Variants in TMEM164 observed in about 807,000 individuals in gnomAD.
The protein encoded by TMEM164 is transmembrane protein 164.
A neutral mutation model predicts 18.8 loss-of-function variants in TMEM164; 4 were observed. That is an observed-to-expected ratio of 0.21 (90% CI 0.10 to 0.49). TMEM164 has a LOEUF of 0.49. TMEM164 is among the 20% of genes least tolerant of loss of function. The pLI, the probability that TMEM164 is intolerant of heterozygous loss-of-function variation, is 0.98. For missense variants in TMEM164, 108 were observed against 239.9 expected, an observed-to-expected ratio of 0.45 and a Z score of 3.63; for synonymous variants, 86 against 101.7, an observed-to-expected ratio of 0.85 and a Z score of 0.93.
intron 3 of TMEM164, among the ~76,000 whole-genome samples, chrX:110,080,744 C>T (rs893328281): frequency 1.8e-5 from 2 of 111,604 alleles, no homozygotes; most frequent in South Asian, 3.7e-4. Context: ...TTCGAGACCA[C>T]GTTTTGCTCT....
At chrX:110,023,531 G>A (rs182184809) in intron 2 of TMEM164, among the ~76,000 whole-genome samples, 73 of 111,216 alleles carry the variant, frequency 6.6e-4, no homozygotes, top group Admixed American at 2.2e-3. Context: ...ATAATTCAAG[G>A]TAGAGGTATT....
At chrX:110,090,620 A>G (rs898316044) in intron 3 of TMEM164, among the ~76,000 whole-genome samples, 8 of 111,716 alleles carry the variant, frequency 7.2e-5, no homozygotes, top group African/African-American at 2.3e-4. Flanking sequence ...TGGCCTGGAA[A>G]TTTTTAAACA....
At chrX:110,064,488 C>G (rs1428551819) in intron 2 of TMEM164, among the ~76,000 whole-genome samples, 6 of 111,592 alleles carry the variant, frequency 5.4e-5, no homozygotes, top group Admixed American at 1.9e-4. Flanking sequence ...GAATGTGACT[C>G]TAGCATGACA....
At chrX:110,076,490 T>C (rs1166655808) in intron 3 of TMEM164, among the ~76,000 whole-genome samples, 1 of 111,135 alleles carries the variant, frequency 9.0e-6, no homozygotes, top group Non-Finnish European at 1.9e-5. Context: ...TCTGCTCTGG[T>C]TTTAGTTATA....
At position 110,127,723 on chromosome X, in the gene TMEM164, C is replaced by T. The variant is rs959111129; in HGVS notation, c.508-17075C>T. 2.7e-5 allele frequency among the ~76,000 whole-genome samples: 3 copies of T among 111,903 alleles called. No homozygotes were observed. The South Asian group carries it at 1.1e-3, about 42-fold the overall frequency. ...GGTAGAGGAAGAGCTAGGGTCCCCA[C>T]ACTCTAGCCAGAATTGGGGGAGCTC... On this transcript the variant is annotated intron_variant, in intron 4 of 6. Coordinates refer to ENST00000372068, the MANE Select transcript of TMEM164 (RefSeq NM_032227.4).
chrX:110,071,151 ATATTTATT>A (rs59713249), intron 3 of TMEM164, among the ~76,000 whole-genome samples: 1,104 of 96,803 alleles, frequency 0.011, 11 homozygotes, highest in Admixed American at 0.022. Flanking sequence ...AGATTTTTAA[ATATTTATT>A]TATTTATTTA....
intron 5 of TMEM164, among the ~76,000 whole-genome samples, chrX:110,168,347 G>C (rs182597392): frequency 6.3e-4 from 71 of 113,128 alleles, no homozygotes; most frequent in African/African-American, 2.3e-3. Flanking sequence ...GGCCTGACAT[G>C]GTCCTTGACC....
intron 4 of TMEM164, among the ~76,000 whole-genome samples, chrX:110,122,890 C>A (rs1452538789): frequency 8.9e-6 from 1 of 112,147 alleles, no homozygotes; most frequent in Non-Finnish European, 1.9e-5. Context: ...TGATTGTATC[C>A]TTTGAGGCAC....
intron 2 of TMEM164, among the ~76,000 whole-genome samples, chrX:110,035,373 T>C (rs1934743045): frequency 9.0e-6 from 1 of 111,290 alleles, no homozygotes; most frequent in South Asian, 3.8e-4. Context: ...GCCAATTTTA[T>C]ACCTGATTTT....
chrX:110,016,000 G>A (rs1040141565), intron 2 of TMEM164, among the ~76,000 whole-genome samples: 5 of 112,416 alleles, frequency 4.4e-5, no homozygotes, highest in African/African-American at 9.7e-5. Flanking sequence ...CGGAGTCAGG[G>A]GTGGCCTTTA....
chrX:110,110,004 T>C (rs1321849432), intron 4 of TMEM164, among the ~76,000 whole-genome samples: 5 of 112,498 alleles, frequency 4.4e-5, no homozygotes, highest in Non-Finnish European at 9.4e-5. Flanking sequence ...TTGATAATCA[T>C]TTTTGGATAG....
chrX:110,083,153 C>A (rs1432721452), intron 3 of TMEM164, among the ~76,000 whole-genome samples: 2 of 111,129 alleles, frequency 1.8e-5, no homozygotes, highest in African/African-American at 6.5e-5. Context: ...AAAGACATTT[C>A]CCATTCTAAG....
At chrX:110,116,369 C>T (rs1206737190) in intron 4 of TMEM164, among the ~76,000 whole-genome samples, 5 of 111,865 alleles carry the variant, frequency 4.5e-5, no homozygotes, top group Admixed American at 9.5e-5. Flanking sequence ...TACACAGCCT[C>T]CTGGAGTAAG....
chrX:110,073,117 G>A (rs1473716304), intron 3 of TMEM164, among the ~76,000 whole-genome samples: 1 of 110,893 alleles, frequency 9.0e-6, no homozygotes, highest in Non-Finnish European at 1.9e-5. Flanking sequence ...CTATAGCCTC[G>A]ACCTCTTGGG....
At chrX:110,096,067 C>T (rs920631097) in intron 3 of TMEM164, among the ~76,000 whole-genome samples, 2 of 112,158 alleles carry the variant, frequency 1.8e-5, no homozygotes, top group Non-Finnish European at 3.8e-5. Context: ...CAGAGGGGCA[C>T]CCGGCCGAAT....
chrX:110,035,504 CTT>C (rs771787732), intron 2 of TMEM164, among the ~76,000 whole-genome samples: 4 of 100,223 alleles, frequency 4.0e-5, no homozygotes, highest in African/African-American at 3.6e-5. Context: ...TAGCCATTTC[CTT>C]TTTTTTTTTT....
chrX:110,091,349 C>G (rs1259904469), intron 3 of TMEM164, among the ~76,000 whole-genome samples: 1 of 112,075 alleles, frequency 8.9e-6, no homozygotes, highest in Non-Finnish European at 1.9e-5. Flanking sequence ...TCCTATTTCT[C>G]CACATCCTCT....
At chrX:110,088,707 C>T (rs945955991) in intron 3 of TMEM164, among the ~76,000 whole-genome samples, 7 of 111,810 alleles carry the variant, frequency 6.3e-5, no homozygotes, top group African/African-American at 2.3e-4. Flanking sequence ...GGTTCCCATT[C>T]GACATAAAAT....
rs867427256 is a variant in TMEM164 at position 110,035,189 on chromosome X, G to A, written c.390+31025G>A. Among the ~76,000 whole-genome samples, 3 of 108,320 alleles carry A rather than the reference G, an allele frequency of 2.8e-5. No homozygotes were observed. In the South Asian group the frequency reaches 1.2e-3, roughly 44 times the overall value. The allele number at this position is 108,320 out of a possible 115,157, so 94.1% of individuals were successfully genotyped here. ...TACATATGTAACTAACATGCACGTTGTGCACATGTACCCTAAAACTTAAAG... is the reference window on the plus strand; with the variant it reads ...TACATATGTAACTAACATGCACGTTATGCACATGTACCCTAAAACTTAAAG... On this transcript the variant is annotated intron_variant, in intron 2 of 6. Transcript: ENST00000372068.
Sources: gnomAD v4.1 joint callset for allele counts (sites outside exome capture counted in the v4.1 genomes callset) on GRCh38, gnomAD v4.1.1 for gene constraint, MANE v1.5 for transcripts, NCBI Gene and HGNC (gene_info 2026-07-23, HGNC 2026-07-21) for gene names.